KIF1A: variants seen among roughly 807,000 people sequenced by gnomAD.
KIF1A encodes kinesin-like protein KIF1A.
Under a neutral mutation model 227.3 loss-of-function variants are expected in KIF1A, and 46 were observed. The observed-to-expected ratio is 0.20, with a 90% CI of 0.16 to 0.26. The LOEUF (loss-of-function observed/expected upper bound fraction) is 0.26, where lower values mean the gene tolerates loss of function less well. KIF1A is among the 10% of genes least tolerant of loss of function. The pLI is 1.00. For missense variants in KIF1A, 1,683 were observed against 2,485.9 expected (o/e 0.68, Z 6.87); for synonymous variants, 1,022 against 1,012.8 (o/e 1.01, Z -0.17).
At chr2:240,798,266 C>T (rs908871918) in intron 1 of KIF1A, among the ~76,000 whole-genome samples, 1 of 152,242 alleles carries the variant, frequency 6.6e-6, no homozygotes, top group African/African-American at 2.4e-5. Flanking sequence ...ACCCTTCACA[C>T]CAAGCGCCAG....
intron 27 of KIF1A, among the ~76,000 whole-genome samples, chr2:240,751,752 G>C (rs2049234943): frequency 6.6e-6 from 1 of 152,124 alleles, no homozygotes; most frequent in South Asian, 2.1e-4. Context: ...GTGGCCCTGG[G>C]GGTCCAGGCC....
intron 1 of KIF1A, among the ~76,000 whole-genome samples, chr2:240,806,824 A>C (rs773642802): frequency 6.6e-6 from 1 of 152,182 alleles, no homozygotes; most frequent in Non-Finnish European, 1.5e-5. Flanking sequence ...CCCACAAAAA[A>C]AGGCAGCAGA....
chr2:240,737,263 T>C (rs946444682), intron 37 of KIF1A, 95 bp from the exon 38 acceptor site: 2 of 903,040 alleles, frequency 2.2e-6, no homozygotes, highest in Non-Finnish European at 3.7e-6. Context: ...GCAAGCCAGC[T>C]CCCCACATGG....
Position 240,792,115 on chromosome 2 carries a change from C to T in KIF1A, c.107-2803G>A, listed in dbSNP as rs1369214064. 1.3e-5 allele frequency among the ~76,000 whole-genome samples: 2 copies of T among 152,048 alleles called. No homozygotes were observed. The highest frequency in any genetic ancestry group is 6.5e-5 in the Admixed American group (1 of 15,286). On this transcript the variant is annotated intron_variant, in intron 2 of 48. Coordinates refer to ENST00000498729, the MANE Select transcript of KIF1A (RefSeq NM_001244008.2). The surrounding 1 kb of genome is among the most constrained non-coding windows in gnomAD (Gnocchi z 4.5). ...TCCAGAGAGGGGAGGTCCTCTCCCC[C>T]GGTCACACGACGCACAGCCAGACTA...
Position 240,760,979 on chromosome 2 carries a change from C to T in KIF1A, c.2266-136G>A, listed in dbSNP as rs995186898. On this transcript the variant is annotated intron_variant, in intron 24 of 48. Transcript: ENST00000498729. ...GGTTCACTGGAACCTTTCAGACAGC[C>T]GCCAGGGGGGACCACCTACTTCCTG... is the stretch of plus-strand genomic sequence containing the variant. The T allele has an allele frequency of 5.1e-5, 50 of 971,506 alleles. 1 individual carries two copies. The highest frequency in any genetic ancestry group is 6.6e-5 in the Non-Finnish European group (44 of 666,666). 60.2% of individuals were successfully genotyped at this position (971,506 alleles called of 1,614,324 possible).
intron 29 of KIF1A, 67 bp downstream of exon 29, chr2:240,747,169 A>G (rs2048700593): frequency 1.6e-6 from 2 of 1,214,736 alleles, no homozygotes; most frequent in South Asian, 1.3e-5. Context: ...TTAGAGGAGC[A>G]AAGTGCACAG....
intron 23 of KIF1A, 109 bp downstream of exon 23, chr2:240,762,610 C>T: frequency 1.4e-6 from 2 of 1,389,396 alleles, no homozygotes; most frequent in Non-Finnish European, 9.4e-7. Flanking sequence ...CAGGTCCAGA[C>T]CCCAGGGCAA....
intron 48 of KIF1A, 49 bp from the exon 49 acceptor site, chr2:240,717,455 A>G (rs1431348538): frequency 3.8e-6 from 6 of 1,574,304 alleles, no homozygotes; most frequent in Non-Finnish European, 5.2e-6. Context: ...GAACACCTGC[A>G]GGCCATATCC....
intron 20 of KIF1A, among the ~76,000 whole-genome samples, chr2:240,764,431 TACAAGGCCACCCC>T (rs2050898373): frequency 6.6e-6 from 1 of 152,012 alleles, no homozygotes; most frequent in Non-Finnish European, 1.5e-5. Context: ...GACTCCCCAT[TACAAGGCCACCCC>T]ACGAATTCAG....
rs776025974 is a variant in KIF1A at position 240,783,720 on chromosome 2, A to G, written c.798+19T>C. 5 of 1,553,242 alleles carry G rather than the reference A, an allele frequency of 3.2e-6. No homozygotes were observed. The highest frequency in any genetic ancestry group is 1.2e-5 in the South Asian group (1 of 84,264). ...GCCAAATGTGGACACGGGTCCCCGC[A>G]TGGCGGCCTGGCCCCTACCTTGAGG... is the stretch of plus-strand genomic sequence containing the variant. On this transcript the variant is annotated intron_variant, in intron 8 of 48. Coordinates refer to ENST00000498729, the MANE Select transcript of KIF1A (RefSeq NM_001244008.2).
At chr2:240,819,263 G>T (rs2058547817) in intron 1 of KIF1A, among the ~76,000 whole-genome samples, 1 of 152,164 alleles carries the variant, frequency 6.6e-6, no homozygotes. Flanking sequence ...CTGTTCCTTC[G>T]TGTCATCCGA....
intron 45 of KIF1A, chr2:240,720,183 C>T (rs1446136471): frequency 5.1e-6 from 2 of 393,266 alleles, no homozygotes; most frequent in Non-Finnish European, 9.1e-6. Context: ...GGAGCCTGTG[C>T]CCCACTCCAC....
Position 240,726,871 on chromosome 2 carries a change from G to A in KIF1A, c.4077C>T (p.Thr1359=), listed in dbSNP as rs377678030. 5 of 1,612,812 alleles carry A rather than the reference G, an allele frequency of 3.1e-6. No individual in the cohort carries two copies. In the African/African-American group the frequency reaches 6.7e-5, roughly 21 times the overall value. ...MHNSLLLNRV[T]PYREKIYMTL... ...TCATGTAGATTTTCTCTCGATAAGG[G>A]GTGACCCGGTTCAGCAGGAGAGAGT... The change falls in exon 39 of 49, where the codon ACC becomes ACT. Residue 1359 remains threonine (T), a synonymous_variant. Coordinates refer to ENST00000498729, the MANE Select transcript of KIF1A (RefSeq NM_001244008.2). The surrounding 1 kb of genome is among the most constrained non-coding windows in gnomAD (Gnocchi z 5.2).
chr2:240,756,182 C>G (rs1207351797), intron 27 of KIF1A, among the ~76,000 whole-genome samples: 3 of 152,272 alleles, frequency 2.0e-5, no homozygotes, highest in African/African-American at 7.2e-5. Flanking sequence ...CCACCCTTAG[C>G]CTTCAGCTGT....
At chr2:240,742,588 G>A (rs990585079) in intron 34 of KIF1A, among the ~76,000 whole-genome samples, 2 of 151,986 alleles carry the variant, frequency 1.3e-5, no homozygotes, top group Non-Finnish European at 2.9e-5. Flanking sequence ...TCAGACCCCC[G>A]TGAAGGAGCG....
intron 38 of KIF1A, chr2:240,734,833 T>A: frequency 1.1e-6 from 1 of 877,528 alleles, no homozygotes; most frequent in Non-Finnish European, 1.7e-6. Flanking sequence ...AAGCGGCCTG[T>A]GGCCACAGGC....
chr2:240,799,311 C>A (rs1201561617), intron 1 of KIF1A, among the ~76,000 whole-genome samples: 6 of 152,246 alleles, frequency 3.9e-5, no homozygotes, highest in African/African-American at 7.2e-5. Flanking sequence ...ACTCCTGGAC[C>A]TTGCCCAGGC....
At chr2:240,718,201 A>G in intron 47 of KIF1A, 33 bp from the exon 48 acceptor site, 1 of 1,451,274 alleles carries the variant, frequency 6.9e-7, no homozygotes, top group South Asian at 1.2e-5. Context: ...AGGAGGTGCC[A>G]GGCTCCGTGG....
chr2:240,722,567 G>A lies in KIF1A; in HGVS notation c.4554C>T (p.Ser1518=), dbSNP rs775395101. The part of the protein sequence containing the change: ...PVPEALSPAF[S]EDSESHGSSS... Reference sequence around the variant, plus strand: ...AGGAGCCATGGGACTCAGAGTCCTCGCTGAAGGCCGGGGACAGTGCCTCCG... The same window carrying A: ...AGGAGCCATGGGACTCAGAGTCCTCACTGAAGGCCGGGGACAGTGCCTCCG... Residue 1518 remains serine, a synonymous_variant, in exon 43 of 49, where the codon AGC becomes AGT. Transcript: ENST00000498729. 3.2e-5 allele frequency: 50 copies of A among 1,555,428 alleles called. 1 individual carries two copies. In the African/African-American group the frequency reaches 5.0e-4, roughly 16 times the overall value.
Sources: allele counts gnomAD v4.1 joint callset (sites outside exome capture counted in the v4.1 genomes callset), GRCh38; gene constraint gnomAD v4.1.1; non-coding constraint Gnocchi (gnomAD v3.1); transcripts MANE v1.5; gene names NCBI Gene and HGNC (gene_info 2026-07-23, HGNC 2026-07-21).